The following THADA variants were observed in gnomAD, a reference collection of about 807,000 sequenced individuals.
The protein encoded by THADA is THADA armadillo repeat containing, also known as tRNA (32-2'-O)-methyltransferase regulator THADA.
Under a neutral mutation model 219.8 loss-of-function variants are expected in THADA, and 213 were observed. That is an observed-to-expected ratio of 0.97 (90% CI 0.87 to 1.09). THADA has a LOEUF of 1.09. Among genes scored for constraint, THADA ranks in the 50% least tolerant of loss-of-function variants. The pLI is 0.00. For missense variants in THADA, 2,956 were observed against 2,311.3 expected (o/e 1.28, Z -5.72); for synonymous variants, 1,018 against 828.9 (o/e 1.23, Z -3.92).
rs756344331 is a variant in THADA, at chr2:43,570,350, TA to T, written c.2187+37del. ...TGCTTATTCATAATACTTTTTAATT[TA>T]AAAAAAAACTCTCATGTTTAGAAAT... On this transcript the variant is annotated intron_variant, in intron 14 of 37. Coordinates refer to ENST00000405975, the MANE Select transcript of THADA (RefSeq NM_022065.5). 1.2e-4 allele frequency: 180 copies of T among 1,524,468 alleles called. No homozygotes were observed. The East Asian group carries it at 2.1e-3, about 18-fold the overall frequency. 94.4% of individuals were successfully genotyped at this position (1,524,468 alleles called of 1,614,324 possible).
intron 31 of THADA, among the ~76,000 whole-genome samples, chr2:43,303,604 G>A (rs1376117527): frequency 6.6e-6 from 1 of 151,686 alleles, no homozygotes; most frequent in Non-Finnish European, 1.5e-5. Context: ...AAAGATGCAT[G>A]TTAATCTAAA....
chr2:43,581,682 T>C (rs1181626806), intron 8 of THADA, 59 bp downstream of exon 8: 4 of 1,460,686 alleles, frequency 2.7e-6, no homozygotes, highest in East Asian at 2.3e-5. Flanking sequence ...GAAAAGCTGA[T>C]TGACACTCAA....
At chr2:43,316,343 C>T (rs972018938) in intron 31 of THADA, among the ~76,000 whole-genome samples, 29 of 152,122 alleles carry the variant, frequency 1.9e-4, no homozygotes, top group African/African-American at 7.0e-4. Flanking sequence ...TCTCCAGATA[C>T]AAGTGCTCAA....
chr2:43,437,818 A>T (rs371739350), intron 26 of THADA, among the ~76,000 whole-genome samples: 13 of 152,208 alleles, frequency 8.5e-5, no homozygotes. Context: ...ATAAAAATAC[A>T]GGCCACAAAT....
At chr2:43,272,064 C>A (rs72877319) in intron 36 of THADA, among the ~76,000 whole-genome samples, 162 of 152,252 alleles carry the variant, frequency 1.1e-3, no homozygotes, top group African/African-American at 3.7e-3. Flanking sequence ...GCAGATGACA[C>A]TGAAGCTGAG....
chr2:43,505,646 A>G lies in THADA; in HGVS notation c.3597T>C (p.Asp1199=). 1.3e-6 allele frequency: 2 copies of G among 1,596,228 alleles called. No homozygotes were observed. The highest frequency in any genetic ancestry group is 1.7e-6 in the Non-Finnish European group (2 of 1,169,934). The change falls in exon 24 of 38, where the codon GAT becomes GAC. Residue 1199 remains aspartate (D), a synonymous_variant. Transcript: ENST00000405975. ...CCTGGGGGACTGTACTCTGTATGTC[A>G]TCTGTAGGCCCAGCCAAAGAGATTA... The part of the protein sequence containing the change: ...KELISLAGPT[D]DIQSTVPQVH...
intron 19 of THADA, among the ~76,000 whole-genome samples, chr2:43,549,590 A>C (rs1205376185): frequency 6.6e-6 from 1 of 152,194 alleles, no homozygotes; most frequent in Admixed American, 6.5e-5. Context: ...ATAACAACAA[A>C]AAAAACTCAC....
At chr2:43,291,906 C>T (rs938306041) in intron 33 of THADA, 138 bp from the exon 34 acceptor site, 10 of 825,826 alleles carry the variant, frequency 1.2e-5, no homozygotes, top group South Asian at 4.0e-5. Context: ...AAAATGCCTC[C>T]GGAAGCAATT....
At position 43,301,683 on chromosome 2, in the gene THADA, T is replaced by C. The variant is rs929528767; in HGVS notation, c.4439-8470A>G. ...GCCCAGAAAGCACATTACATTAATCTGAGAGCTTTAGAAAAATACTCATGT... is the reference window on the plus strand; with the variant it reads ...GCCCAGAAAGCACATTACATTAATCCGAGAGCTTTAGAAAAATACTCATGT... On this transcript the variant is annotated intron_variant, in intron 31 of 37. Coordinates refer to ENST00000405975, the MANE Select transcript of THADA (RefSeq NM_022065.5). 1.3e-5 allele frequency among the ~76,000 whole-genome samples: 2 copies of C among 152,190 alleles called. 1 individual carries two copies. Among genetic ancestry groups the C allele is most frequent in the East Asian group, 3.8e-4 (2 of 5,202 alleles).
intron 26 of THADA, among the ~76,000 whole-genome samples, chr2:43,434,151 A>G (rs1679768631): frequency 6.6e-6 from 1 of 152,240 alleles, no homozygotes; most frequent in African/African-American, 2.4e-5. Context: ...AAGCCAATAA[A>G]ATAGCATAGA....
intron 26 of THADA, among the ~76,000 whole-genome samples, chr2:43,431,892 T>C (rs1288050773): frequency 1.5e-5 from 1 of 67,292 alleles, no homozygotes; most frequent in Non-Finnish European, 2.6e-5. Context: ...AGTCTCGCTC[T>C]GTCGCCCAGG....
At chr2:43,568,906 T>G in intron 14 of THADA, among the ~76,000 whole-genome samples, 1 of 152,222 alleles carries the variant, frequency 6.6e-6, no homozygotes, top group East Asian at 1.9e-4. Context: ...AAAAAAAATT[T>G]TTTTAACTAT....
At chr2:43,305,572 C>T (rs1004696657) in intron 31 of THADA, among the ~76,000 whole-genome samples, 9 of 152,128 alleles carry the variant, frequency 5.9e-5, no homozygotes, top group African/African-American at 1.7e-4. Context: ...GTAGGATTCC[C>T]GATCGGCTGC....
At chr2:43,372,538 C>T (rs894630697) in intron 29 of THADA, among the ~76,000 whole-genome samples, 1 of 152,084 alleles carries the variant, frequency 6.6e-6, no homozygotes, top group Non-Finnish European at 1.5e-5. Context: ...GAGTTTCTAA[C>T]CCCTCTGGGA....
chr2:43,500,550 AT>A (rs1429165302), intron 24 of THADA, among the ~76,000 whole-genome samples: 1 of 152,224 alleles, frequency 6.6e-6, no homozygotes, highest in Non-Finnish European at 1.5e-5. Flanking sequence ...TGACATCTGC[AT>A]TTTCTAGAAG....
chr2:43,377,759 C>G (rs1040019398), intron 29 of THADA, among the ~76,000 whole-genome samples: 1 of 152,010 alleles, frequency 6.6e-6, no homozygotes, highest in Non-Finnish European at 1.5e-5. Flanking sequence ...ATAGAAAGGG[C>G]CCTAAAAGGT....
chr2:43,232,628 G>A, intron 37 of THADA, 85 bp downstream of exon 37: 1 of 1,431,834 alleles, frequency 7.0e-7, no homozygotes, highest in Non-Finnish European at 9.6e-7. Flanking sequence ...GCATGCAAAA[G>A]CCCAGCTGAG....
At position 43,514,666 on chromosome 2, in the gene THADA, A is replaced by AT. The variant is rs1558887907; in HGVS notation, c.3375-5887_3375-5886insA. On this transcript the variant is annotated intron_variant, in intron 22 of 37. Coordinates refer to ENST00000405975, the MANE Select transcript of THADA (RefSeq NM_022065.5). ...ATATAATATATATATTGTATATAATAATATATAATATATTATATTATATAT... is the reference window on the plus strand; with the variant it reads ...ATATAATATATATATTGTATATAATATATATATAATATATTATATTATATAT... Among the ~76,000 whole-genome samples the AT allele has an allele frequency of 2.9e-3, 247 of 86,662 alleles. 42 individuals carry two copies. Among genetic ancestry groups the AT allele is most frequent in the African/African-American group, 9.8e-3 (177 of 18,090 alleles). 56.9% of individuals were successfully genotyped at this position (86,662 alleles called of 152,430 possible). A position where few individuals can be genotyped will look rare whatever the true frequency, so the allele number is the denominator to read the frequency against.
intron 26 of THADA, 128 bp from the exon 27 acceptor site, chr2:43,430,430 A>C: frequency 1.7e-6 from 1 of 573,868 alleles, no homozygotes; most frequent in Non-Finnish European, 3.1e-6. Context: ...TTAAAAACAG[A>C]ATCTACAGCA....
Sources: allele counts gnomAD v4.1 joint callset (sites outside exome capture counted in the v4.1 genomes callset), GRCh38; gene constraint gnomAD v4.1.1; transcripts MANE v1.5; gene names NCBI Gene and HGNC (gene_info 2026-07-23, HGNC 2026-07-21).